The following ATF7IP2 variants were observed in gnomAD, a reference collection of about 807,000 sequenced individuals.
The protein encoded by ATF7IP2 is activating transcription factor 7 interacting protein 2.
ATF7IP2 carries 42 observed loss-of-function variants against 64.2 expected under a neutral mutation model. The observed-to-expected ratio is 0.65, with a 90% confidence interval of 0.51 to 0.85. The LOEUF (loss-of-function observed/expected upper bound fraction) is 0.85, where lower values mean the gene tolerates loss of function less well. ATF7IP2 is among the 40% of genes least tolerant of loss of function. ATF7IP2 has a pLI of 0.00. For synonymous variants in ATF7IP2, 308 were observed against 272.8 expected (o/e 1.13, Z -1.27); for missense variants, 933 against 784.2 (o/e 1.19, Z -2.27).
chr16:10,445,151 G>T (rs781241510), intron 8 of ATF7IP2, among the ~76,000 whole-genome samples: 7 of 152,166 alleles, frequency 4.6e-5, no homozygotes, highest in Non-Finnish European at 7.4e-5. Flanking sequence ...TCTGAGAACT[G>T]CATCACACAT....
intron 5 of ATF7IP2, among the ~76,000 whole-genome samples, chr16:10,431,943 C>T (rs1368480710): frequency 6.6e-6 from 1 of 150,678 alleles, no homozygotes; most frequent in African/African-American, 2.4e-5. Flanking sequence ...CCTGCCTCAG[C>T]CTCCTGAGTA....
Position 10,422,711 on chromosome 16 carries a change from A to G in ATF7IP2, c.-160+3088A>G, listed in dbSNP as rs188147937. 1.8e-3 allele frequency among the ~76,000 whole-genome samples: 268 copies of G among 152,248 alleles called. 1 individual carries two copies. Among genetic ancestry groups the G allele is most frequent in the African/African-American group, 6.0e-3 (248 of 41,540 alleles). On this transcript the variant is annotated intron_variant, in intron 3 of 13. Coordinates refer to ENST00000562102, the MANE Select transcript of ATF7IP2 (RefSeq NM_001393719.1). ...TTCCCTGAACAGTTATTTCACAGAT[A>G]GGACATTTATCAGTAATTTGATTCC...
At chr16:10,415,926 C>T (rs1047726420) in intron 2 of ATF7IP2, among the ~76,000 whole-genome samples, 3 of 152,144 alleles carry the variant, frequency 2.0e-5, no homozygotes, top group East Asian at 3.8e-4. Flanking sequence ...TTTAAAATAG[C>T]TCTTATTCAA....
At chr16:10,471,700 T>C (rs771645766) in intron 9 of ATF7IP2, among the ~76,000 whole-genome samples, 5 of 152,238 alleles carry the variant, frequency 3.3e-5, no homozygotes, top group Admixed American at 2.0e-4. Flanking sequence ...TTCTTTGTTA[T>C]AGTTTTCTAC....
At chr16:10,443,687 G>C (rs757243215) in intron 8 of ATF7IP2, among the ~76,000 whole-genome samples, 2 of 152,180 alleles carry the variant, frequency 1.3e-5, no homozygotes, top group African/African-American at 4.8e-5. Flanking sequence ...GGTGGATTTA[G>C]GGAAGGTGAA....
At position 10,468,750 on chromosome 16, in the gene ATF7IP2, G is replaced by C. The variant is rs80120051; in HGVS notation, c.1353-3360G>C. ...AAGGATGAAACTACGAGAGACTGGG[G>C]AAAGAACTATTGGAAAGAAGGCCAA... On this transcript the variant is annotated intron_variant, in intron 9 of 13. Coordinates refer to ENST00000562102, the MANE Select transcript of ATF7IP2 (RefSeq NM_001393719.1). 9.0e-3 allele frequency among the ~76,000 whole-genome samples: 1,365 copies of C among 152,310 alleles called. 15 individuals carry two copies. Among genetic ancestry groups the C allele is most frequent in the African/African-American group, 0.03 (1,261 of 41,570 alleles).
chr16:10,477,651 C>T (rs1334696123), intron 12 of ATF7IP2, among the ~76,000 whole-genome samples: 2 of 151,716 alleles, frequency 1.3e-5, no homozygotes, highest in Non-Finnish European at 2.9e-5. Flanking sequence ...CTGGCCAGGG[C>T]AATTAGGCAG....
chr16:10,407,856 C>T (rs2047674504), intron 1 of ATF7IP2, among the ~76,000 whole-genome samples: 1 of 151,970 alleles, frequency 6.6e-6, no homozygotes, highest in Non-Finnish European at 1.5e-5. Context: ...TAGCTTAGCT[C>T]CTACTTGTGA....
At chr16:10,416,612 G>C (rs971907998) in intron 2 of ATF7IP2, among the ~76,000 whole-genome samples, 8 of 152,128 alleles carry the variant, frequency 5.3e-5, no homozygotes, top group Admixed American at 1.3e-4. Context: ...GGCCAACATG[G>C]CGAAACTGCC....
At chr16:10,436,727 A>G (rs2048432324) in intron 6 of ATF7IP2, among the ~76,000 whole-genome samples, 2 of 152,206 alleles carry the variant, frequency 1.3e-5, no homozygotes, top group Non-Finnish European at 2.9e-5. Flanking sequence ...TAAATGTATC[A>G]TAACAGGTCA....
At chr16:10,423,175 C>T (rs556979970) in intron 3 of ATF7IP2, among the ~76,000 whole-genome samples, 2 of 152,054 alleles carry the variant, frequency 1.3e-5, no homozygotes, top group African/African-American at 2.4e-5. Context: ...GCCTGGGAGG[C>T]GGAGCTGGCA....
chr16:10,450,220 G>A (rs2048940429), intron 8 of ATF7IP2, among the ~76,000 whole-genome samples: 1 of 152,168 alleles, frequency 6.6e-6, no homozygotes, highest in Non-Finnish European at 1.5e-5. Flanking sequence ...TTGCTAAGGA[G>A]TGTTTTAATT....
chr16:10,472,156 A>C lies in ATF7IP2; in HGVS notation c.1399A>C (p.Thr467Pro), dbSNP rs1390658466. Reference sequence around the variant, plus strand: ...GATTTCTGTGGAAAGTCCTAATTTGACAACTCCAATTACATCAAATCCAAC... The same window carrying C: ...GATTTCTGTGGAAAGTCCTAATTTGCCAACTCCAATTACATCAAATCCAAC... ...MLISVESPNLTTPITSNPTDT... is the reference protein window; with the variant it reads ...MLISVESPNLPTPITSNPTDT... The change falls in exon 10 of 14, where the codon ACA becomes CCA. Residue 467 changes from threonine (T) to proline (P), a missense_variant. Coordinates refer to ENST00000562102, the MANE Select transcript of ATF7IP2 (RefSeq NM_001393719.1). The C allele has an allele frequency of 6.4e-7, 1 of 1,572,792 alleles. No individual in the cohort carries two copies. Among genetic ancestry groups the C allele is most frequent in the Non-Finnish European group, 8.7e-7 (1 of 1,151,254 alleles).
intron 7 of ATF7IP2, among the ~76,000 whole-genome samples, chr16:10,439,444 G>T (rs62025941): frequency 1.3e-5 from 2 of 151,004 alleles, no homozygotes; most frequent in Non-Finnish European, 2.9e-5. Flanking sequence ...CTGTATTAGC[G>T]TTGATGGTCT....
intron 1 of ATF7IP2, among the ~76,000 whole-genome samples, chr16:10,403,684 A>T (rs1376013889): frequency 6.6e-6 from 1 of 152,236 alleles, no homozygotes; most frequent in Admixed American, 6.5e-5. Context: ...ATGCAAGGGA[A>T]ATCTGAAAAC....
Position 10,431,254 on chromosome 16 carries a change from A to G in ATF7IP2, c.634A>G (p.Lys212Glu). The G allele has an allele frequency of 6.2e-7, 1 of 1,614,190 alleles. No homozygotes were observed. The highest frequency in any genetic ancestry group is 8.5e-7 in the Non-Finnish European group (1 of 1,180,008). Residue 212 changes from lysine (K) to glutamate (E), a missense_variant, in exon 5 of 14, where the codon AAA (lysine) becomes GAA (glutamate). Transcript: ENST00000562102. ...ETNSNSESHD[K>E]RQSDNILCSE... ...AAACTCCAATTCAGAATCACATGAT[A>G]AAAGGCAAAGTGACAACATTTTATG... is the stretch of plus-strand genomic sequence containing the variant.
intron 1 of ATF7IP2, among the ~76,000 whole-genome samples, chr16:10,410,771 G>T (rs572332376): frequency 6.6e-6 from 1 of 152,242 alleles, no homozygotes; most frequent in East Asian, 1.9e-4. Flanking sequence ...TATGTTATTG[G>T]TCTTTCAGGA....
chr16:10,400,035 T>C (rs1207738199), intron 1 of ATF7IP2, among the ~76,000 whole-genome samples: 1 of 152,106 alleles, frequency 6.6e-6, no homozygotes. Flanking sequence ...AATTTGTTGA[T>C]TATTTTATTT....
At chr16:10,466,908 T>C (rs1327874597) in intron 9 of ATF7IP2, among the ~76,000 whole-genome samples, 1 of 152,192 alleles carries the variant, frequency 6.6e-6, no homozygotes, top group Non-Finnish European at 1.5e-5. Flanking sequence ...TTGTTTTAAC[T>C]CAAGTGTTTG....
Sources: gnomAD v4.1 joint callset for allele counts (sites outside exome capture counted in the v4.1 genomes callset) on GRCh38, gnomAD v4.1.1 for gene constraint, MANE v1.5 for transcripts, NCBI Gene and HGNC (gene_info 2026-07-23, HGNC 2026-07-21) for gene names.